The following VPS53 variants were observed in gnomAD, a reference collection of about 807,000 sequenced individuals.
VPS53 encodes the protein VPS53 subunit of GARP complex, also known as vacuolar protein sorting-associated protein 53 homolog.
In VPS53, 70 loss-of-function variants were observed where a neutral mutation model predicts 107.0. That is an observed-to-expected ratio of 0.65 (90% CI 0.54 to 0.80). VPS53 has a LOEUF of 0.80. Ranked by LOEUF, VPS53 falls within the 30% of genes least tolerant of loss-of-function variation. The pLI is 0.00. For synonymous variants in VPS53, 409 were observed against 393.3 expected (o/e 1.04, Z -0.47); for missense variants, 917 against 1,049.4 (o/e 0.87, Z 1.74).
At chr17:683,018 C>G (rs1972459171) in intron 4 of VPS53, among the ~76,000 whole-genome samples, 1 of 152,114 alleles carries the variant, frequency 6.6e-6, no homozygotes, top group Non-Finnish European at 1.5e-5. Flanking sequence ...GGTGTCAGAG[C>G]TGAAGAATTC....
intron 12 of VPS53, among the ~76,000 whole-genome samples, chr17:599,412 ACTT>A (rs1175164185): frequency 2.6e-5 from 4 of 152,014 alleles, no homozygotes; most frequent in East Asian, 3.9e-4. Context: ...TACTAAGAAA[ACTT>A]CTTCTGCCTT....
chr17:636,633 T>C (rs543954168), intron 7 of VPS53, among the ~76,000 whole-genome samples: 14 of 152,364 alleles, frequency 9.2e-5, no homozygotes, highest in African/African-American at 3.1e-4. Context: ...TGAAGGGCTG[T>C]TGAATTTTGT....
chr17:656,038 A>C (rs951833041), intron 5 of VPS53, 85 bp from the exon 6 acceptor site: 2 of 1,002,658 alleles, frequency 2.0e-6, no homozygotes, highest in Non-Finnish European at 3.0e-6. Context: ...GTAAGAAACG[A>C]ATGCAGATGA....
chr17:620,503 C>T (rs1228250074), intron 11 of VPS53, among the ~76,000 whole-genome samples: 2 of 152,170 alleles, frequency 1.3e-5, no homozygotes, highest in South Asian at 2.1e-4. Flanking sequence ...CTCAGTTTCA[C>T]GGTCTTACAC....
chr17:568,858 AG>A (rs776729317), intron 13 of VPS53, among the ~76,000 whole-genome samples: 6 of 152,240 alleles, frequency 3.9e-5, no homozygotes, highest in Non-Finnish European at 7.3e-5. Flanking sequence ...GTTCTAATAT[AG>A]AAGCAGGTGC....
chr17:588,670 T>C (rs1426019747), intron 12 of VPS53, among the ~76,000 whole-genome samples: 1 of 152,194 alleles, frequency 6.6e-6, no homozygotes, highest in Non-Finnish European at 1.5e-5. Flanking sequence ...ATAAATACAA[T>C]CTGCACTGTT....
intron 6 of VPS53, among the ~76,000 whole-genome samples, chr17:653,693 C>T (rs139472077): frequency 1.3e-5 from 2 of 152,260 alleles, no homozygotes; most frequent in East Asian, 1.9e-4. Flanking sequence ...TTATGTGCTA[C>T]GGCAGGAAGA....
chr17:657,626 C>A, intron 5 of VPS53: 1 of 630,854 alleles, frequency 1.6e-6, no homozygotes. Context: ...ATTTGGTTGC[C>A]CAGGTTCTGT....
chr17:682,563 A>G (rs553520645), intron 4 of VPS53, among the ~76,000 whole-genome samples: 1 of 152,286 alleles, frequency 6.6e-6, no homozygotes, highest in South Asian at 2.1e-4. Flanking sequence ...CTAAAGGCCA[A>G]GTGTGGGCTG....
intron 2 of VPS53, among the ~76,000 whole-genome samples, chr17:700,936 G>A (rs139015364): frequency 6.6e-6 from 1 of 152,296 alleles, no homozygotes; most frequent in Non-Finnish European, 1.5e-5. Context: ...GAGTGTTTGA[G>A]ATGTCAGACT....
At chr17:627,378 A>T in intron 9 of VPS53, 62 bp from the exon 10 acceptor site, 1 of 1,537,320 alleles carries the variant, frequency 6.5e-7, no homozygotes, top group African/African-American at 1.4e-5. Flanking sequence ...CAGTTCAAGG[A>T]AACAAGCAAA....
intron 13 of VPS53, among the ~76,000 whole-genome samples, chr17:574,368 T>C (rs1044120414): frequency 6.6e-6 from 1 of 152,094 alleles, no homozygotes; most frequent in African/African-American, 2.4e-5. Context: ...ATCAAGGCCA[T>C]GTGAAAAGAG....
chr17:529,398 T>TCACACACACACACACACACTCA (rs1909358825), intron 19 of VPS53, among the ~76,000 whole-genome samples: 1 of 150,200 alleles, frequency 6.7e-6, no homozygotes. Context: ...ACACACACAC[T>TCACACACACACACACACACTCA]CACACACACA....
chr17:692,831 T>A (rs1267005579), intron 4 of VPS53, among the ~76,000 whole-genome samples: 1 of 152,036 alleles, frequency 6.6e-6, no homozygotes, highest in East Asian at 1.9e-4. Context: ...TGAAACCCTG[T>A]CTCTACTAAA....
chr17:582,590 A>T lies in VPS53; in HGVS notation c.1313+3680T>A, dbSNP rs73973157. Among the ~76,000 whole-genome samples, 384 of 146,992 alleles carry T rather than the reference A, an allele frequency of 2.6e-3. 6 individuals are homozygous for T. Among genetic ancestry groups the T allele is most frequent in the African/African-American group, 9.2e-3 (369 of 40,234 alleles). On this transcript the variant is annotated intron_variant, in intron 13 of 21. Coordinates refer to ENST00000437048, the MANE Select transcript of VPS53 (RefSeq NM_001128159.3). ...TTCAGACGCTAATGTGTTCCCAGGG[A>T]ACTTCCCTCAGAACCTCAACGCAGT... is the stretch of plus-strand genomic sequence containing the variant.
intron 4 of VPS53, among the ~76,000 whole-genome samples, chr17:663,686 A>G (rs992835833): frequency 2.6e-5 from 4 of 152,260 alleles, no homozygotes; most frequent in Non-Finnish European, 5.9e-5. Flanking sequence ...ACTAAAGACT[A>G]TGAATTCCTG....
intron 17 of VPS53, among the ~76,000 whole-genome samples, chr17:548,492 AACTACACTCCAC>A (rs1911470725): frequency 2.6e-5 from 1 of 38,082 alleles, no homozygotes; most frequent in Non-Finnish European, 6.1e-5. Context: ...ATCATCCAAC[AACTACACTCCAC>A]TTTGGCCAGC....
chr17:542,400 G>C (rs973072284), intron 17 of VPS53, among the ~76,000 whole-genome samples: 9 of 152,130 alleles, frequency 5.9e-5, no homozygotes, highest in African/African-American at 2.2e-4. Context: ...AGGGGTGACC[G>C]GGACAAGTCA....
At chr17:691,695 A>C (rs368806361) in intron 4 of VPS53, among the ~76,000 whole-genome samples, 1 of 152,212 alleles carries the variant, frequency 6.6e-6, no homozygotes, top group Non-Finnish European at 1.5e-5. Context: ...CAGGTCACGA[A>C]TCATTCCTTC....
Sources: allele counts gnomAD v4.1 joint callset (sites outside exome capture counted in the v4.1 genomes callset), GRCh38; gene constraint gnomAD v4.1.1; transcripts MANE v1.5; gene names NCBI Gene and HGNC (gene_info 2026-07-23, HGNC 2026-07-21).